FAM161B: variants seen among roughly 807,000 people sequenced by gnomAD.
FAM161B encodes the protein FAM161 centrosomal protein B, also known as protein FAM161B.
In FAM161B, 46 loss-of-function variants were observed where a neutral mutation model predicts 61.5. That is an observed-to-expected ratio of 0.75 (90% confidence interval 0.59 to 0.96). The LOEUF is 0.96. FAM161B is among the 40% of genes least tolerant of loss of function. FAM161B has a pLI of 0.00. For missense variants in FAM161B, 774 were observed against 800.7 expected (o/e 0.97, Z 0.40); for synonymous variants, 284 against 302.7 (o/e 0.94, Z 0.64).
chr14:73,944,032 T>C (rs1390669850), intron 3 of FAM161B, among the ~76,000 whole-genome samples: 1 of 152,178 alleles, frequency 6.6e-6, no homozygotes, highest in Non-Finnish European at 1.5e-5. Context: ...TCCTCAGGTG[T>C]CTCACTGGTT....
chr14:73,942,166 T>A (rs2062690973), intron 4 of FAM161B, among the ~76,000 whole-genome samples: 1 of 151,432 alleles, frequency 6.6e-6, no homozygotes, highest in African/African-American at 2.4e-5. Context: ...AATATTTGTA[T>A]TTTTCTTTTA....
downstream of FAM161B, chr14:73,931,487 T>A: frequency 6.2e-7 from 1 of 1,606,462 alleles, no homozygotes; most frequent in Non-Finnish European, 8.5e-7. Context: ...CTAGATTTGC[T>A]TTCAATCTTT....
intron 2 of FAM161B, among the ~76,000 whole-genome samples, chr14:73,945,802 C>T (rs12879092): frequency 0.15 from 22,849 of 151,916 alleles, 2,219 homozygotes; most frequent in East Asian, 0.33. Context: ...AGTGCAGTGG[C>T]GTGATCTCAG....
downstream of FAM161B, chr14:73,927,832 AT>A (rs11461357): frequency 0.33 from 47,444 of 143,418 alleles, 8,747 homozygotes; most frequent in Non-Finnish European, 0.43. Context: ...TCAACCGGCA[AT>A]TTTTTTTTTT....
chr14:73,931,462 C>G, downstream of FAM161B: 1 of 1,557,768 alleles, frequency 6.4e-7, no homozygotes. Context: ...TTCTATAATT[C>G]AACTGTAACC....
intron 5 of FAM161B, among the ~76,000 whole-genome samples, chr14:73,938,575 A>C (rs1805809896): frequency 6.6e-6 from 1 of 151,918 alleles, no homozygotes; most frequent in Non-Finnish European, 1.5e-5. Context: ...GATCGAGACT[A>C]TCCTGGCTAA....
Position 73,940,933 on chromosome 14 carries a change from C to A in FAM161B, c.1393G>T (p.Ala465Ser). The change falls in exon 5 of 9, where the codon GCA (alanine) becomes TCA (serine). Residue 465 changes from alanine (A) to serine (S), a missense_variant. Physicochemically the swap from Ala to Ser is moderately conservative, Grantham distance 99. Coordinates refer to ENST00000286544, the MANE Select transcript of FAM161B (RefSeq NM_152445.3). ...ITDATRKRES[A>S]VRSALEKKNK... ...TGCAGCCTGACCACTCACCTGACTGCAGATTCCCTCTTCCTGGTGGCATCT... is the reference window on the plus strand; with the variant it reads ...TGCAGCCTGACCACTCACCTGACTGAAGATTCCCTCTTCCTGGTGGCATCT... 4 of 1,610,370 alleles carry A rather than the reference C, an allele frequency of 2.5e-6. No homozygotes were observed. The highest frequency in any genetic ancestry group is 3.4e-6 in the Non-Finnish European group (4 of 1,178,330).
the FAM161B span, among the ~76,000 whole-genome samples, chr14:73,925,376 C>A: frequency 9.8e-4 from 148 of 151,334 alleles, 1 homozygote; most frequent in Non-Finnish European, 1.6e-3. Context: ...GATAAACCCA[C>A]GTCGAAGTCG....
Position 73,934,330 on chromosome 14 carries a change from G to C in FAM161B, c.1870C>G (p.Gln624Glu). ...AGTACTTTCCTGGGGCTTGCAGGCT[G>C]TTCTAGAGATCCTTCTAAACCCTGC... ...PEQGLEGSLE[Q>E]PASPRKVLEE... is the part of the protein sequence containing the mutation. Residue 624 changes from glutamine (Q) to glutamate (E), a missense_variant, in exon 9 of 9, where the codon CAG (glutamine) becomes GAG (glutamate). By Grantham distance (29) the Gln-to-Glu change is conservative. Transcript: ENST00000286544. The C allele has an allele frequency of 6.2e-7, 1 of 1,614,132 alleles. No individual in the cohort carries two copies.
chr14:73,934,476 G>T, intron 8 of FAM161B, 82 bp from the exon 9 acceptor site: 1 of 1,381,268 alleles, frequency 7.2e-7, no homozygotes, highest in Non-Finnish European at 9.8e-7. Context: ...CTGGAGTGCA[G>T]TGGCATGATC....
Position 73,949,961 on chromosome 14 carries a change from T to C in FAM161B, c.54+12A>G, listed in dbSNP as rs921829531. On this transcript the variant is annotated intron_variant, in intron 1 of 8. Transcript: ENST00000286544. ...ATTCCTTTCCCGGGGGCAGTCTCTTTTCTCTCCTCACCTGACGGCTCCCCT... is the reference window on the plus strand; with the variant it reads ...ATTCCTTTCCCGGGGGCAGTCTCTTCTCTCTCCTCACCTGACGGCTCCCCT... 1 of 1,613,346 alleles carries C rather than the reference T, an allele frequency of 6.2e-7. No homozygotes were observed. The highest frequency in any genetic ancestry group is 1.3e-5 in the African/African-American group (1 of 74,894).
At chr14:73,935,029 C>T (rs1350240897) in intron 8 of FAM161B, among the ~76,000 whole-genome samples, 1 of 150,462 alleles carries the variant, frequency 6.6e-6, no homozygotes, top group Admixed American at 6.7e-5. Context: ...CGCCACTGCA[C>T]TCCAACCTGG....
rs1325929477 is a variant in FAM161B at position 73,941,123 on chromosome 14, TTTTTTTTGAGACAGAG to T, written c.1273-86_1273-71del. The T allele has an allele frequency of 5.4e-6, 8 of 1,486,822 alleles. No homozygotes were observed. The Admixed American group carries it at 1.1e-4, about 21-fold the overall frequency. 92.1% of individuals were successfully genotyped at this position (1,486,822 alleles called of 1,614,324 possible). On this transcript the variant is annotated intron_variant, in intron 4 of 8. Coordinates refer to ENST00000286544, the MANE Select transcript of FAM161B (RefSeq NM_152445.3). ...TAGTTTCTATCTTTTTTTTTTTTTT[TTTTTTTTGAGACAGAG>T]TCTCGTCTCGCTCTTTTGCCCAGGC...
the FAM161B span, chr14:73,924,751 A>G: frequency 2.4e-6 from 1 of 422,032 alleles, no homozygotes; most frequent in Non-Finnish European, 4.6e-6. Context: ...TTCTCGGCTC[A>G]CTGCAACCTC....
intron 8 of FAM161B, among the ~76,000 whole-genome samples, chr14:73,935,272 A>G (rs545804460): frequency 1.8e-4 from 27 of 151,494 alleles, no homozygotes; most frequent in Non-Finnish European, 3.8e-4. Flanking sequence ...TCACGCCTGT[A>G]ATCCCAGCAC....
downstream of FAM161B, chr14:73,927,978 CA>C: frequency 5.8e-6 from 1 of 173,216 alleles, no homozygotes; most frequent in South Asian, 8.4e-5. Flanking sequence ...GCTGGGATTA[CA>C]GGCGGCCACC....
In FAM161B at chr14:73,934,085, G is replaced by A. The variant is rs149343413; in HGVS notation, c.*171C>T. 0.041 allele frequency: 28,401 copies of A among 691,014 alleles called. 818 individuals carry two copies. Among genetic ancestry groups the A allele is most frequent in the South Asian group, 0.1 (4,748 of 46,918 alleles). The allele number at this position is 691,014 out of a possible 1,614,324, so 42.8% of individuals were successfully genotyped here. ...GATCTGCCTGCCTCAGCCTCCCAAA[G>A]TGTTGGGATTACAGGCGTGAGCCAC... On this transcript the variant is annotated 3_prime_UTR_variant, in exon 9 of 9. Transcript: ENST00000286544.
chr14:73,928,672 G>A (rs1223396856), downstream of FAM161B, among the ~76,000 whole-genome samples: 1 of 152,126 alleles, frequency 6.6e-6, no homozygotes, highest in Non-Finnish European at 1.5e-5. Context: ...ACCTGGGTGT[G>A]GTGGATCATG....
the FAM161B span, among the ~76,000 whole-genome samples, chr14:73,925,925 T>C: frequency 3.3e-5 from 5 of 152,072 alleles, no homozygotes; most frequent in African/African-American, 1.2e-4. Context: ...TCCCAACTAC[T>C]CGGGAGGCTG....
Sources: gnomAD v4.1 joint callset for allele counts (sites outside exome capture counted in the v4.1 genomes callset) on GRCh38, gnomAD v4.1.1 for gene constraint, MANE v1.5 for transcripts, NCBI Gene and HGNC (gene_info 2026-07-23, HGNC 2026-07-21) for gene names.